Variants in GLIS2 observed in about 807,000 individuals in gnomAD.
The protein encoded by GLIS2 is GLIS family zinc finger 2, also known as zinc finger protein GLIS2.
A neutral mutation model predicts 35.6 loss-of-function variants in GLIS2; 14 were observed. The ratio of observed to expected loss-of-function variants is 0.39; its 90% CI spans 0.26 to 0.61. The LOEUF is 0.61. Among genes scored for constraint, GLIS2 ranks in the 20% least tolerant of loss-of-function variants. The pLI is 0.48. For synonymous variants in GLIS2, 368 were observed against 325.1 expected, an observed-to-expected ratio of 1.13 and a Z score of -1.42; for missense variants, 675 against 713.4, an observed-to-expected ratio of 0.95 and a Z score of 0.61.
chr16:4,332,095 C>A lies in GLIS2; in HGVS notation c.-66-120C>A. The A allele has an allele frequency of 1.3e-6, 1 of 778,466 alleles. No individual in the cohort carries two copies. The highest frequency in any genetic ancestry group is 2.2e-6 in the Non-Finnish European group (1 of 464,944). The allele number at this position is 778,466 out of a possible 1,614,324, so 48.2% of individuals were successfully genotyped here. A position where few individuals can be genotyped will look rare whatever the true frequency, so the allele number is the denominator to read the frequency against. On this transcript the variant is annotated intron_variant, in intron 1 of 6. Coordinates refer to ENST00000433375, the MANE Select transcript of GLIS2 (RefSeq NM_032575.3). The surrounding 1 kb of genome is among the most constrained non-coding windows in gnomAD (Gnocchi z 5.4). ...CCGGCCAGGTCGCTCGGAGGGTCTC[C>A]CTACCCAGGAGACAACCTCACACTG...
At chr16:4,322,935 C>A (rs980718022) in intron 1 of GLIS2, among the ~76,000 whole-genome samples, 1 of 152,188 alleles carries the variant, frequency 6.6e-6, no homozygotes, top group Non-Finnish European at 1.5e-5. Context: ...CGCGGTGTTT[C>A]CTTCGCTCTG....
At chr16:4,333,883 T>C (rs1236785657) in intron 3 of GLIS2, among the ~76,000 whole-genome samples, 1 of 152,154 alleles carries the variant, frequency 6.6e-6, no homozygotes, top group Non-Finnish European at 1.5e-5. Flanking sequence ...GAGGCTAAAG[T>C]GGGAAGATCG....
At chr16:4,336,303 C>T in intron 6 of GLIS2, 1 of 332,954 alleles carries the variant, frequency 3.0e-6, no homozygotes, top group Non-Finnish European at 5.8e-6. Context: ...CCTGCCACCA[C>T]ACCCAGCTAG....
chr16:4,335,352 CCCG>C lies in GLIS2; in HGVS notation c.737_739del (p.Arg246del). ...TGTCCGACCTGCAGCAAGAGCTTCT[CCCG>C]CCTGGAGAACCTGAAGATCCACAAC... On this transcript the variant is annotated inframe_deletion, in exon 6 of 7. Coordinates refer to ENST00000433375, the MANE Select transcript of GLIS2 (RefSeq NM_032575.3). This position sits in a 1 kb window ranked among gnomAD's most constrained non-coding sequence, Gnocchi z 4.6. 3 of 1,613,770 alleles carry C rather than the reference CCCG, an allele frequency of 1.9e-6. No homozygotes were observed. The highest frequency in any genetic ancestry group is 2.5e-6 in the Non-Finnish European group (3 of 1,180,034).
At chr16:4,329,952 G>C (rs2053480755) in intron 1 of GLIS2, among the ~76,000 whole-genome samples, 1 of 152,166 alleles carries the variant, frequency 6.6e-6, no homozygotes, top group African/African-American at 2.4e-5. Context: ...TCTTGGGTCG[G>C]TGGATACTGT....
Position 4,332,229 on chromosome 16 carries a change from A to T in GLIS2, c.-52A>T. ...TCCTTCCCCAGGTTCCTGCGTGAAG[A>T]CCAGCTGGGAGCCCACTGCCTGCTG... On this transcript the variant is annotated 5_prime_UTR_variant, in exon 2 of 7. Transcript: ENST00000433375. The surrounding 1 kb of genome is among the most constrained non-coding windows in gnomAD (Gnocchi z 5.4). The T allele has an allele frequency of 6.3e-7, 1 of 1,595,728 alleles. No homozygotes were observed. The highest frequency in any genetic ancestry group is 8.5e-7 in the Non-Finnish European group (1 of 1,172,306).
intron 1 of GLIS2, among the ~76,000 whole-genome samples, chr16:4,327,489 G>A (rs896656765): frequency 3.3e-5 from 5 of 152,212 alleles, no homozygotes; most frequent in African/African-American, 1.2e-4. Context: ...CTTCCAGTAG[G>A]GAGGGTGGGG....
In GLIS2 at chr16:4,337,843, A is replaced by T. The variant is rs1383880113; in HGVS notation, c.*319A>T. 1.0e-5 allele frequency: 5 copies of T among 498,978 alleles called. No homozygotes were observed. The highest frequency in any genetic ancestry group is 1.8e-5 in the Non-Finnish European group (5 of 272,902). 30.9% of individuals were successfully genotyped at this position (498,978 alleles called of 1,614,324 possible). On this transcript the variant is annotated 3_prime_UTR_variant, in exon 7 of 7. Transcript: ENST00000433375. ...TCCCGTTTCCCTCTCCCACCCTGGCACCTCCCTCACCTAGTGACCACCCAT... is the reference window on the plus strand; with the variant it reads ...TCCCGTTTCCCTCTCCCACCCTGGCTCCTCCCTCACCTAGTGACCACCCAT...
At chr16:4,331,070 G>A (rs924414017) in intron 1 of GLIS2, among the ~76,000 whole-genome samples, 2 of 152,138 alleles carry the variant, frequency 1.3e-5, no homozygotes, top group African/African-American at 2.4e-5. Flanking sequence ...TCTGCGTCCC[G>A]GGTTCACACC....
upstream of GLIS2, chr16:4,315,605 G>A: frequency 6.7e-6 from 1 of 150,086 alleles, no homozygotes; most frequent in Non-Finnish European, 1.5e-5. Flanking sequence ...GGGCTCCCCC[G>A]CCCCCCCAGG....
intron 1 of GLIS2, among the ~76,000 whole-genome samples, chr16:4,322,281 C>A (rs1367303726): frequency 6.6e-6 from 1 of 152,124 alleles, no homozygotes; most frequent in Non-Finnish European, 1.5e-5. Flanking sequence ...CTGTCCCAGC[C>A]TCTCTGAGGG....
At chr16:4,334,725 C>T in intron 3 of GLIS2, 76 bp from the exon 4 acceptor site, 1 of 1,552,722 alleles carries the variant, frequency 6.4e-7, no homozygotes. Context: ...TTTGGGGACA[C>T]CATTCAGTCC....
intron 1 of GLIS2, among the ~76,000 whole-genome samples, chr16:4,318,611 G>A (rs1254032908): frequency 3.3e-5 from 5 of 152,174 alleles, no homozygotes; most frequent in Non-Finnish European, 7.3e-5. Context: ...TGAACAGGCC[G>A]GAGGGAAAAC....
rs1313506514 is a variant in GLIS2, at chr16:4,338,253, C to G, written c.*729C>G. The stretch of plus-strand genomic sequence containing the variant: ...TCTCCTCCCTCTACCTTTTGGGGCA[C>G]CCTGGGAGCGTGGGAAGCAGGTCCG... On this transcript the variant is annotated 3_prime_UTR_variant, in exon 7 of 7. Coordinates refer to ENST00000433375, the MANE Select transcript of GLIS2 (RefSeq NM_032575.3). 1 of 152,784 alleles carries G rather than the reference C, an allele frequency of 6.5e-6. No homozygotes were observed. Among genetic ancestry groups the G allele is most frequent in the Non-Finnish European group, 1.5e-5 (1 of 68,342 alleles). The allele number at this position is 152,784 out of a possible 1,614,324, so 9.5% of individuals were successfully genotyped here.
intron 1 of GLIS2, among the ~76,000 whole-genome samples, chr16:4,327,740 GCCCCCGCCGTCCCGGTGGTCC>G (rs1337509041): frequency 7.6e-6 from 1 of 132,334 alleles, no homozygotes; most frequent in Non-Finnish European, 1.6e-5. Flanking sequence ...GTCCCCCGAA[GCCCCCGCCGTCCCGGTGGTCC>G]CCGCGGCCGC....
Position 4,335,693 on chromosome 16 carries a change from C to G in GLIS2, c.775+300C>G, listed in dbSNP as rs1168818992. 6.6e-6 allele frequency among the ~76,000 whole-genome samples: 1 copy of G among 152,266 alleles called. No homozygotes were observed. Among genetic ancestry groups the G allele is most frequent in the Non-Finnish European group, 1.5e-5 (1 of 68,044 alleles). On this transcript the variant is annotated intron_variant, in intron 6 of 6. Transcript: ENST00000433375. The surrounding 1 kb of genome is among the most constrained non-coding windows in gnomAD (Gnocchi z 4.6). ...GAGGCCAGGTCGGCTTCACTCCTCA[C>G]TACAGCCCAGGCCCATACCAGGACA...
At chr16:4,329,676 T>C (rs2141128501) in intron 1 of GLIS2, among the ~76,000 whole-genome samples, 1 of 152,342 alleles carries the variant, frequency 6.6e-6, no homozygotes, top group African/African-American at 2.4e-5. Context: ...TCACAGGCTA[T>C]GCTAGCCCCC....
intron 1 of GLIS2, among the ~76,000 whole-genome samples, chr16:4,326,259 CA>C (rs905266168): frequency 3.3e-5 from 5 of 151,700 alleles, no homozygotes; most frequent in Non-Finnish European, 7.4e-5. Flanking sequence ...AAGAAACAAA[CA>C]AAAAAAACAA....
Position 4,336,729 on chromosome 16 carries a change from G to T in GLIS2, c.780G>T (p.Glu260Asp). The T allele has an allele frequency of 6.3e-7, 1 of 1,598,306 alleles. No homozygotes were observed. Among genetic ancestry groups the T allele is most frequent in the Middle Eastern group, 1.7e-4 (1 of 6,040 alleles). The change falls in exon 7 of 7, where the codon GAG becomes GAT. Residue 260 changes from glutamate to aspartate, a missense_variant. By Grantham distance (45) the Glu-to-Asp change is conservative (BLOSUM62 2). Coordinates refer to ENST00000433375, the MANE Select transcript of GLIS2 (RefSeq NM_032575.3). ...CTGCACTGCACCACCCTGCAGGTGA[G>T]AAGCCCTACGTCTGCCCCTACGAGG... ...LKIHNRSHTG[E>D]KPYVCPYEGC...
Sources: allele counts gnomAD v4.1 joint callset (sites outside exome capture counted in the v4.1 genomes callset), GRCh38; gene constraint gnomAD v4.1.1; non-coding constraint Gnocchi (gnomAD v3.1); transcripts MANE v1.5; gene names NCBI Gene and HGNC (gene_info 2026-07-23, HGNC 2026-07-21).